Variants in DCC observed in about 807,000 individuals in gnomAD.
The protein encoded by DCC is DCC netrin 1 receptor.
DCC carries 58 observed loss-of-function variants against 172.5 expected under a neutral mutation model. The observed-to-expected ratio is 0.34, with a 90% CI of 0.27 to 0.42. The LOEUF (loss-of-function observed/expected upper bound fraction) is 0.42, where lower values mean the gene tolerates loss of function less well. Ranked by LOEUF, DCC falls within the 10% of genes least tolerant of loss-of-function variation. DCC has a pLI of 1.00. For missense variants in DCC, 1,740 were observed against 1,791.0 expected (o/e 0.97, Z 0.51); for synonymous variants, 709 against 644.5 (o/e 1.10, Z -1.52).
At chr18:53,416,637 A>G (rs1240938112) in intron 21 of DCC, 1 of 190,584 alleles carries the variant, frequency 5.2e-6, no homozygotes, top group South Asian at 8.8e-5. Flanking sequence ...GGGCATTATC[A>G]TTGTTCATTT....
At chr18:53,088,277 G>T (rs8087771) in intron 7 of DCC, among the ~76,000 whole-genome samples, 1 of 151,970 alleles carries the variant, frequency 6.6e-6, no homozygotes, top group African/African-American at 2.4e-5. Context: ...CTTTGATTTT[G>T]TTGAGCAGTG....
At chr18:53,483,567 A>C (rs902146821) in intron 25 of DCC, among the ~76,000 whole-genome samples, 1 of 151,890 alleles carries the variant, frequency 6.6e-6, no homozygotes, top group Non-Finnish European at 1.5e-5. Context: ...TTCTCCTTGA[A>C]CTGGAATCTA....
At chr18:53,044,013 G>A (rs1397651753) in intron 5 of DCC, among the ~76,000 whole-genome samples, 1 of 151,876 alleles carries the variant, frequency 6.6e-6, no homozygotes, top group African/African-American at 2.4e-5. Context: ...GGCACTGACA[G>A]CTTCAAATAT....
intron 2 of DCC, among the ~76,000 whole-genome samples, chr18:52,779,224 A>G (rs1439294671): frequency 6.6e-6 from 1 of 152,112 alleles, no homozygotes; most frequent in East Asian, 1.9e-4. Context: ...TTACATAGGT[A>G]CACACGTGCC....
rs1461315721 is a variant in DCC, at chr18:53,468,888, A to C, written c.3736+878A>C. Among the ~76,000 whole-genome samples the C allele has an allele frequency of 3.3e-5, 5 of 152,282 alleles. No homozygotes were observed. In the East Asian group the frequency reaches 5.8e-4, roughly 18 times the overall value. On this transcript the variant is annotated intron_variant, in intron 25 of 28. Coordinates refer to ENST00000442544, the MANE Select transcript of DCC (RefSeq NM_005215.4). ...TTCTATGCTCAGTCTTGGTAATTAC[A>C]GTATTCATGCAGATAATCCATCTGA... is the stretch of plus-strand genomic sequence containing the variant.
intron 2 of DCC, among the ~76,000 whole-genome samples, chr18:52,819,874 A>T (rs1442990305): frequency 1.3e-5 from 2 of 150,324 alleles, no homozygotes; most frequent in African/African-American, 5.0e-5. Flanking sequence ...GCCCACCACC[A>T]TGCCCAGCTA....
At chr18:53,459,666 C>A (rs1048082797) in intron 24 of DCC, among the ~76,000 whole-genome samples, 1 of 151,976 alleles carries the variant, frequency 6.6e-6, no homozygotes, top group African/African-American at 2.4e-5. Context: ...TTTAATAATT[C>A]TTTTATAATT....
At chr18:52,508,475 T>A (rs2031317402) in intron 1 of DCC, among the ~76,000 whole-genome samples, 1 of 152,172 alleles carries the variant, frequency 6.6e-6, no homozygotes, top group African/African-American at 2.4e-5. Context: ...GAACCACACC[T>A]ATAATATTAT....
intron 1 of DCC, among the ~76,000 whole-genome samples, chr18:52,663,703 T>C (rs2035406742): frequency 6.6e-6 from 1 of 152,110 alleles, no homozygotes; most frequent in Admixed American, 6.5e-5. Flanking sequence ...AGAAGAAGTA[T>C]GTTTTGAATA....
intron 7 of DCC, among the ~76,000 whole-genome samples, chr18:53,092,362 T>G (rs1178861142): frequency 6.6e-6 from 1 of 152,142 alleles, no homozygotes; most frequent in African/African-American, 2.4e-5. Context: ...TTCTTTCTAT[T>G]TTGCCTGTCA....
intron 7 of DCC, among the ~76,000 whole-genome samples, chr18:53,150,625 G>T (rs1018534200): frequency 5.3e-5 from 8 of 152,208 alleles, no homozygotes; most frequent in African/African-American, 1.9e-4. Flanking sequence ...AGGTAGAGGG[G>T]CCTAAGCCAG....
intron 1 of DCC, among the ~76,000 whole-genome samples, chr18:52,723,715 G>A (rs1015610655): frequency 2.0e-5 from 3 of 152,102 alleles, no homozygotes; most frequent in African/African-American, 7.2e-5. Flanking sequence ...CATTTTAGGG[G>A]CCCAGCCAAG....
At chr18:53,009,387 T>G (rs1460931019) in intron 5 of DCC, among the ~76,000 whole-genome samples, 2 of 151,966 alleles carry the variant, frequency 1.3e-5, no homozygotes, top group African/African-American at 2.4e-5. Flanking sequence ...GCATTACCAT[T>G]GGAAGCCTGG....
chr18:53,112,069 T>C (rs2043341093), intron 7 of DCC, among the ~76,000 whole-genome samples: 1 of 151,070 alleles, frequency 6.6e-6, no homozygotes, highest in Non-Finnish European at 1.5e-5. Context: ...TAGGCATGCA[T>C]TTAGAAGCCA....
At chr18:52,554,410 A>C (rs1052838308) in intron 1 of DCC, among the ~76,000 whole-genome samples, 79 of 152,232 alleles carry the variant, frequency 5.2e-4, no homozygotes, top group African/African-American at 1.8e-3. Context: ...TCCAGCTTCC[A>C]ACTGATATTG....
intron 1 of DCC, among the ~76,000 whole-genome samples, chr18:52,354,606 G>A (rs1179444574): frequency 6.6e-6 from 1 of 152,116 alleles, no homozygotes; most frequent in Non-Finnish European, 1.5e-5. Context: ...GTCATGTCTA[G>A]CACTTCTGTG....
chr18:52,798,894 C>A (rs191970318), intron 2 of DCC, among the ~76,000 whole-genome samples: 38 of 152,006 alleles, frequency 2.5e-4, no homozygotes, highest in African/African-American at 7.7e-4. Context: ...TTGGGAGGTG[C>A]CTGCCACCAC....
At position 53,318,843 on chromosome 18, in the gene DCC, T is replaced by G. The variant is rs969722919; in HGVS notation, c.2054-3204T>G. 8.0e-5 allele frequency among the ~76,000 whole-genome samples: 12 copies of G among 149,266 alleles called. No homozygotes were observed. The East Asian group carries it at 2.0e-3, about 25-fold the overall frequency. ...ACCAAGGTTAAAATGAAAGAAAAGA[T>G]GTTAAGGGCAGCCAGAGAGGAAGGT... On this transcript the variant is annotated intron_variant, in intron 13 of 28. Coordinates refer to ENST00000442544, the MANE Select transcript of DCC (RefSeq NM_005215.4).
chr18:52,498,981 G>A (rs1352051426), intron 1 of DCC, among the ~76,000 whole-genome samples: 1 of 152,168 alleles, frequency 6.6e-6, no homozygotes, highest in Admixed American at 6.5e-5. Flanking sequence ...GCAGTCCATA[G>A]CAGTGCCCAC....
Sources: allele counts gnomAD v4.1 joint callset (sites outside exome capture counted in the v4.1 genomes callset), GRCh38; gene constraint gnomAD v4.1.1; transcripts MANE v1.5; gene names NCBI Gene and HGNC (gene_info 2026-07-23, HGNC 2026-07-21).